MTUS2: variants seen among roughly 807,000 people sequenced by gnomAD.
MTUS2 encodes the protein microtubule associated scaffold protein 2, also known as microtubule-associated tumor suppressor candidate 2.
MTUS2 carries 40 observed loss-of-function variants against 114.1 expected under a neutral mutation model. The ratio of observed to expected loss-of-function variants is 0.35; its 90% CI spans 0.27 to 0.46. MTUS2 has a LOEUF of 0.46. MTUS2 is among the 20% of genes least tolerant of loss of function. MTUS2 has a pLI of 1.00. For synonymous variants in MTUS2, 688 were observed against 672.0 expected (o/e 1.02, Z -0.37); for missense variants, 1,679 against 1,705.4 (o/e 0.98, Z 0.27).
At chr13:29,464,974 T>C (rs1294168615) in intron 9 of MTUS2, among the ~76,000 whole-genome samples, 2 of 152,188 alleles carry the variant, frequency 1.3e-5, no homozygotes, top group Non-Finnish European at 2.9e-5. Flanking sequence ...GTTAAAGGCA[T>C]AGATTTGAGA....
At chr13:28,821,263 A>G (rs756090903) in intron 1 of MTUS2, among the ~76,000 whole-genome samples, 5 of 152,150 alleles carry the variant, frequency 3.3e-5, no homozygotes, top group Non-Finnish European at 7.4e-5. Flanking sequence ...AGCTTGAGGT[A>G]CCCTTTTAAG....
At chr13:29,498,932 G>A (rs1050757665) in intron 14 of MTUS2, among the ~76,000 whole-genome samples, 12 of 152,154 alleles carry the variant, frequency 7.9e-5, no homozygotes, top group African/African-American at 1.2e-4. Flanking sequence ...AGCAGCTGCC[G>A]CCACCAGCCG....
intron 5 of MTUS2, among the ~76,000 whole-genome samples, chr13:29,216,314 A>G (rs1055445017): frequency 6.6e-6 from 1 of 152,172 alleles, no homozygotes; most frequent in Non-Finnish European, 1.5e-5. Flanking sequence ...GCTGGGCTCC[A>G]TGGGGTGGGA....
intron 8 of MTUS2, among the ~76,000 whole-genome samples, chr13:29,377,454 C>T (rs1871840029): frequency 6.6e-6 from 1 of 152,030 alleles, no homozygotes; most frequent in Non-Finnish European, 1.5e-5. Flanking sequence ...GAGTTAAACA[C>T]AAACCAATAA....
chr13:29,367,487 G>A (rs1863643234), intron 8 of MTUS2, among the ~76,000 whole-genome samples: 2 of 152,204 alleles, frequency 1.3e-5, no homozygotes, highest in African/African-American at 4.8e-5. Flanking sequence ...AGCAGCTGCA[G>A]CGCTGTGTTT....
intron 2 of MTUS2, among the ~76,000 whole-genome samples, chr13:28,856,862 C>T (rs983955498): frequency 3.3e-5 from 5 of 152,176 alleles, no homozygotes; most frequent in African/African-American, 7.2e-5. Context: ...GCAGTATATC[C>T]GTACAACCTC....
intron 5 of MTUS2, among the ~76,000 whole-genome samples, chr13:29,200,526 T>G (rs1366879774): frequency 7.3e-6 from 1 of 137,848 alleles, no homozygotes; most frequent in Non-Finnish European, 1.6e-5. Context: ...TTTCTGTTTT[T>G]TTTTTTTTTT....
At chr13:29,324,310 A>G (rs1440332713) in intron 6 of MTUS2, among the ~76,000 whole-genome samples, 2 of 152,174 alleles carry the variant, frequency 1.3e-5, no homozygotes, top group Non-Finnish European at 2.9e-5. Context: ...TTTAATTCCC[A>G]GATAGTTTGG....
chr13:29,139,686 T>A (rs559076029), intron 5 of MTUS2, among the ~76,000 whole-genome samples: 3 of 152,314 alleles, frequency 2.0e-5, no homozygotes, highest in Non-Finnish European at 4.4e-5. Context: ...TGTCTTATAT[T>A]ATAAGGAAAT....
intron 5 of MTUS2, among the ~76,000 whole-genome samples, chr13:29,271,069 CT>C (rs1429116362): frequency 1.3e-5 from 2 of 152,192 alleles, no homozygotes; most frequent in Non-Finnish European, 2.9e-5. Flanking sequence ...TCAAATTCTT[CT>C]GGGGCCTGTA....
At chr13:29,160,827 C>T (rs936905687) in intron 5 of MTUS2, among the ~76,000 whole-genome samples, 7 of 152,088 alleles carry the variant, frequency 4.6e-5, no homozygotes, top group African/African-American at 9.7e-5. Flanking sequence ...TGGCATCCCC[C>T]GCCCCTGCAT....
intron 2 of MTUS2, among the ~76,000 whole-genome samples, chr13:28,865,796 A>G (rs1419906286): frequency 6.6e-6 from 1 of 152,088 alleles, no homozygotes; most frequent in African/African-American, 2.4e-5. Flanking sequence ...CTATGATGAC[A>G]TTCTGGGTTG....
At chr13:29,111,853 G>A (rs1296775914) in intron 5 of MTUS2, among the ~76,000 whole-genome samples, 1 of 152,034 alleles carries the variant, frequency 6.6e-6, no homozygotes, top group Non-Finnish European at 1.5e-5. Flanking sequence ...GCAGCAATTA[G>A]CAGGAGAGAG....
At chr13:29,394,347 A>T (rs534111447) in intron 8 of MTUS2, among the ~76,000 whole-genome samples, 2 of 152,256 alleles carry the variant, frequency 1.3e-5, no homozygotes, top group East Asian at 3.9e-4. Context: ...AGGTGGGACA[A>T]CTAGAAGCAG....
At position 29,024,550 on chromosome 13, in the gene MTUS2, T is replaced by C. The variant is rs995025640; in HGVS notation, c.-149T>C. The C allele has an allele frequency of 4.6e-5, 43 of 931,094 alleles. No homozygotes were observed. In the African/African-American group the frequency reaches 6.7e-4, roughly 14 times the overall value. The allele number at this position is 931,094 out of a possible 1,614,324, so 57.7% of individuals were successfully genotyped here. A position where few individuals can be genotyped will look rare whatever the true frequency, so the allele number is the denominator to read the frequency against. On this transcript the variant is annotated 5_prime_UTR_variant, in exon 3 of 16. Transcript: ENST00000612955. ...ACAATGCTTGGTTTTCAAGCTGTTC[T>C]GAGAATGATTAAAGCAGTGTCGCAA... is the stretch of plus-strand genomic sequence containing the variant.
At chr13:29,445,177 A>G (rs1269202369) in intron 9 of MTUS2, among the ~76,000 whole-genome samples, 2 of 152,204 alleles carry the variant, frequency 1.3e-5, no homozygotes, top group African/African-American at 4.8e-5. Flanking sequence ...TTTCCTGGCA[A>G]TTGATTTACA....
intron 5 of MTUS2, among the ~76,000 whole-genome samples, chr13:29,204,392 G>A (rs139949083): frequency 4.6e-5 from 7 of 152,300 alleles, no homozygotes; most frequent in East Asian, 1.9e-4. Context: ...TTCCAAAGCC[G>A]CTGCTTCATG....
intron 5 of MTUS2, among the ~76,000 whole-genome samples, chr13:29,243,109 A>G (rs370550430): frequency 1.9e-4 from 29 of 152,352 alleles, no homozygotes; most frequent in African/African-American, 3.4e-4. Flanking sequence ...GGGTATTTGC[A>G]TCTACTCATT....
intron 5 of MTUS2, among the ~76,000 whole-genome samples, chr13:29,231,368 G>A (rs7982062): frequency 0.83 from 125,586 of 152,208 alleles, 51,851 homozygotes; most frequent in East Asian, 0.89. Flanking sequence ...CTGTTTCATC[G>A]GCACCATGTC....
Sources: gnomAD v4.1 joint callset for allele counts (sites outside exome capture counted in the v4.1 genomes callset) on GRCh38, gnomAD v4.1.1 for gene constraint, MANE v1.5 for transcripts, NCBI Gene and HGNC (gene_info 2026-07-23, HGNC 2026-07-21) for gene names.